Variants in AGRN observed in about 807,000 individuals in gnomAD.
AGRN encodes the protein agrin.
AGRN carries 106 observed loss-of-function variants against 211.0 expected under a neutral mutation model. The observed-to-expected ratio is 0.50, with a 90% confidence interval of 0.43 to 0.59. The LOEUF (loss-of-function observed/expected upper bound fraction) is 0.59, where lower values mean the gene tolerates loss of function less well. AGRN is among the 20% of genes least tolerant of loss of function. The pLI, the probability that AGRN is intolerant of heterozygous loss-of-function variation, is 0.00. For synonymous variants in AGRN, 1,525 were observed against 1,332.5 expected (o/e 1.14, Z -3.15); for missense variants, 3,040 against 2,982.6 (o/e 1.02, Z -0.45).
chr1:1,037,056 G>C (rs1644819732), intron 3 of AGRN, among the ~76,000 whole-genome samples: 1 of 152,180 alleles, frequency 6.6e-6, no homozygotes, highest in South Asian at 2.1e-4. Flanking sequence ...GGAGGGTATG[G>C]ACTCAGAGAA....
chr1:1,040,056 A>G (rs1231956610), intron 3 of AGRN, among the ~76,000 whole-genome samples: 1 of 152,180 alleles, frequency 6.6e-6, no homozygotes, highest in Non-Finnish European at 1.5e-5. Flanking sequence ...GAGGTGGGCC[A>G]GAGCTGTGAC....
At position 1,054,813 on chromosome 1, in the gene AGRN, C is replaced by T; in HGVS notation, c.5981-11C>T. 1 of 1,552,954 alleles carries T rather than the reference C, an allele frequency of 6.4e-7. No homozygotes were observed. Among genetic ancestry groups the T allele is most frequent in the Non-Finnish European group, 8.7e-7 (1 of 1,151,298 alleles). Reference sequence around the variant, plus strand: ...GTCACAGCCGGGTGACTCCCACTGTCTGTGCTGCAGGGGGCCTGCCGGAGC... The same window carrying T: ...GTCACAGCCGGGTGACTCCCACTGTTTGTGCTGCAGGGGGCCTGCCGGAGC... On this transcript the variant is annotated splice_polypyrimidine_tract_variant and intron_variant, in intron 35 of 35. Coordinates refer to ENST00000379370, the MANE Select transcript of AGRN (RefSeq NM_198576.4).
At position 1,049,927 on chromosome 1, in the gene AGRN, G is replaced by C. The variant is rs1645227970; in HGVS notation, c.4769G>C (p.Ser1590Thr). 3 of 1,611,188 alleles carry C rather than the reference G, an allele frequency of 1.9e-6. No individual in the cohort carries two copies. Among genetic ancestry groups the C allele is most frequent in the Non-Finnish European group, 2.5e-6 (3 of 1,179,402 alleles). ...GGACCAACCTGTGCCGATGAGAAGA[G>C]CCCCTGCCAGCCCAACCCCTGCCAT... ...RVGPTCADEK[S>T]PCQPNPCHGA... The change falls in exon 27 of 36, where the codon AGC becomes ACC. Residue 1590 changes from serine (S) to threonine (T), a missense_variant. Physicochemically the swap from Ser to Thr is moderately conservative, Grantham distance 58. This residue lies in a region of AGRN where 1,537 missense variants were observed against 1,505.0 expected (regional missense o/e 1.02). Transcript: ENST00000379370.
intron 3 of AGRN, among the ~76,000 whole-genome samples, chr1:1,036,670 CCTGT>C (rs1319257277): frequency 6.6e-6 from 1 of 152,128 alleles, no homozygotes; most frequent in Admixed American, 6.5e-5. Context: ...AGCCCTGCAA[CCTGT>C]CTGTTGGCCC....
Position 1,051,616 on chromosome 1 carries a change from G to A in AGRN, c.5534G>A (p.Gly1845Glu). The A allele has an allele frequency of 6.2e-7, 1 of 1,610,046 alleles. No homozygotes were observed. The highest frequency in any genetic ancestry group is 8.5e-7 in the Non-Finnish European group (1 of 1,178,012). The change falls in exon 32 of 36, where the codon GGG becomes GAG. Residue 1845 changes from glycine (G) to glutamate (E), a missense_variant. Physicochemically the swap from Gly to Glu is moderately conservative, Grantham distance 98. Around this residue, in one of 3 missense-constraint regions of AGRN, gnomAD observed 1,537 missense variants for 1,505.0 expected, o/e 1.02. Coordinates refer to ENST00000379370, the MANE Select transcript of AGRN (RefSeq NM_198576.4). ...GCTGCCTATGTGTGCCTGTGTCCCG[G>A]GGGATTCTCAGGACCGCACTGCGAG... is the stretch of plus-strand genomic sequence containing the variant. ...REAAYVCLCP[G>E]GFSGPHCEKG... is the part of the protein sequence containing the mutation.
Position 1,049,126 on chromosome 1 carries a change from G to C in AGRN, c.4298+67G>C, listed in dbSNP as rs1319281295. 1.6e-5 allele frequency: 13 copies of C among 828,222 alleles called. No individual in the cohort carries two copies. In the Admixed American group the frequency reaches 2.7e-4, roughly 17 times the overall value. The allele number at this position is 828,222 out of a possible 1,614,324, so 51.3% of individuals were successfully genotyped here. The stretch of plus-strand genomic sequence containing the variant: ...GGGGAGGGGACGGGCGGGGGAGGGG[G>C]GGCCGGGGCAGCTCAGGTGGGTGGG... On this transcript the variant is annotated intron_variant, in intron 24 of 35. Transcript: ENST00000379370.
intron 3 of AGRN, among the ~76,000 whole-genome samples, chr1:1,035,909 C>A (rs540694406): frequency 6.6e-6 from 1 of 152,084 alleles, no homozygotes; most frequent in African/African-American, 2.4e-5. Context: ...CCTGTCCTCC[C>A]CGGGGTGCTC....
At position 1,051,360 on chromosome 1, in the gene AGRN, C is replaced by G; in HGVS notation, c.5361C>G (p.Ala1787=). Residue 1787 remains alanine (A), a synonymous_variant, in exon 31 of 36, where the codon GCC becomes GCG. Transcript: ENST00000379370. ...AAAVSSGFDG[A]IQLVSLGGRQ... ...CCGTGTCCTCTGGCTTCGACGGTGC[C>G]ATCCAGCTGGTATGTGGGGGCGGGG... The G allele has an allele frequency of 6.4e-7, 1 of 1,560,734 alleles. No individual in the cohort carries two copies. Among genetic ancestry groups the G allele is most frequent in the Non-Finnish European group, 8.7e-7 (1 of 1,153,406 alleles).
At chr1:1,040,613 A>G in intron 3 of AGRN, 52 bp from the exon 4 acceptor site, 2 of 1,529,062 alleles carry the variant, frequency 1.3e-6, no homozygotes, top group South Asian at 2.4e-5. Flanking sequence ...AGGCTTGTGG[A>G]CGTGGGTACG....
At chr1:1,025,286 C>T (rs973183215) in intron 2 of AGRN, among the ~76,000 whole-genome samples, 6 of 152,160 alleles carry the variant, frequency 3.9e-5, no homozygotes, top group Non-Finnish European at 7.4e-5. Flanking sequence ...GTCCCGGGCC[C>T]GCCTGTATTC....
rs763432226 is a variant in AGRN at position 1,046,763 on chromosome 1, G to A, written c.3250+28G>A. The stretch of plus-strand genomic sequence containing the variant: ...GAGCAGGGATCAAGGACTTGGGGTG[G>A]GTGGGCAGGCGCCGAGAGGCTCCAC... On this transcript the variant is annotated intron_variant, in intron 18 of 35. Coordinates refer to ENST00000379370, the MANE Select transcript of AGRN (RefSeq NM_198576.4). 5.1e-6 allele frequency: 8 copies of A among 1,574,956 alleles called. No individual in the cohort carries two copies. In the South Asian group the frequency reaches 6.8e-5, roughly 13 times the overall value.
intron 1 of AGRN, among the ~76,000 whole-genome samples, chr1:1,020,853 G>GGGT (rs1553170891): frequency 1.3e-5 from 2 of 150,934 alleles, no homozygotes; most frequent in African/African-American, 2.4e-5. Context: ...GGTGCGGGGG[G>GGGT]GGGGCGTGCA....
intron 2 of AGRN, among the ~76,000 whole-genome samples, chr1:1,026,225 C>T (rs112555755): frequency 0.038 from 5,806 of 152,186 alleles, 336 homozygotes; most frequent in African/African-American, 0.13. Context: ...GGCTCGCTCC[C>T]GCTTGTCCAC....
At chr1:1,052,371 C>CTGTGTGTGTGCATGGGTCCATGTA in intron 33 of AGRN, 2 of 340,286 alleles carry the variant, frequency 5.9e-6, no homozygotes, top group Non-Finnish European at 1.2e-5. Context: ...GAATATCCAG[C>CTGTGTGTGTGCATGGGTCCATGTA]TGTGTGTGTG....
In AGRN at chr1:1,045,197, T is replaced by C. The variant is rs766070520; in HGVS notation, c.2291T>C (p.Leu764Ser). 8.7e-6 allele frequency: 14 copies of C among 1,612,600 alleles called. No individual in the cohort carries two copies. The highest frequency in any genetic ancestry group is 6.7e-5 in the Admixed American group (4 of 59,998). Residue 764 changes from leucine (L) to serine (S), a missense_variant, in exon 13 of 36, where the codon TTA becomes TCA. This residue lies in a region of AGRN where 1,498 missense variants were observed against 1,457.8 expected (regional missense o/e 1.03). Transcript: ENST00000379370. ...GCCCCGCTGCCGCCTGTGGCCCCCTTACACTGTGCCCAGACGCCCTACGGC... is the reference window on the plus strand; with the variant it reads ...GCCCCGCTGCCGCCTGTGGCCCCCTCACACTGTGCCCAGACGCCCTACGGC... ...TFAPLPPVAP[L>S]HCAQTPYGCC...
intron 1 of AGRN, 23 bp downstream of exon 1, chr1:1,020,396 C>A: frequency 6.7e-7 from 1 of 1,488,994 alleles, no homozygotes; most frequent in East Asian, 2.9e-5. Context: ...GGACCCCGGC[C>A]TCCCCTCGCG....
chr1:1,054,113 GGGA>G (rs942353690), intron 34 of AGRN, 136 bp downstream of exon 34: 5 of 976,042 alleles, frequency 5.1e-6, no homozygotes, highest in Middle Eastern at 3.1e-4. Flanking sequence ...CACTGCCAGT[GGGA>G]GGAGGAAGGG....
In AGRN at chr1:1,034,211, C is replaced by G. The variant is rs1254792722; in HGVS notation, c.464-1066C>G. 8.1e-6 allele frequency: 8 copies of G among 985,234 alleles called. No homozygotes were observed. The African/African-American group carries it at 1.4e-4, about 17-fold the overall frequency. The allele number at this position is 985,234 out of a possible 1,614,324, so 61.0% of individuals were successfully genotyped here. On this transcript the variant is annotated intron_variant, in intron 2 of 35. Transcript: ENST00000379370. ...GCGCGCACCGCCTCTCCGGCCTGCGCGGCTCCGGGGGCTCCGGGAAGACCG... is the reference window on the plus strand; with the variant it reads ...GCGCGCACCGCCTCTCCGGCCTGCGGGGCTCCGGGGGCTCCGGGAAGACCG...
intron 30 of AGRN, 63 bp downstream of exon 30, chr1:1,050,900 C>T: frequency 2.0e-6 from 3 of 1,520,834 alleles, no homozygotes; most frequent in Non-Finnish European, 2.7e-6. Flanking sequence ...CGGGCGGCAG[C>T]CCCGCCCCTG....
Sources: allele counts gnomAD v4.1 joint callset (sites outside exome capture counted in the v4.1 genomes callset), GRCh38; gene constraint gnomAD v4.1.1; regional missense constraint gnomAD v4.1.1; transcripts MANE v1.5; gene names NCBI Gene and HGNC (gene_info 2026-07-23, HGNC 2026-07-21).